LRP1B: variants seen among roughly 807,000 people sequenced by gnomAD.
LRP1B encodes the protein low-density lipoprotein receptor-related protein 1B.
LRP1B carries 217 observed loss-of-function variants against 556.6 expected under a neutral mutation model. That is an observed-to-expected ratio of 0.39 (90% CI 0.35 to 0.44). The LOEUF (loss-of-function observed/expected upper bound fraction) is 0.44. LRP1B is among the 20% of genes least tolerant of loss of function. The pLI, the probability that LRP1B is intolerant of heterozygous loss-of-function variation, is 1.00. For missense variants in LRP1B, 5,053 were observed against 5,620.8 expected, an observed-to-expected ratio of 0.90 and a Z score of 3.23; for synonymous variants, 2,047 against 1,865.8, an observed-to-expected ratio of 1.10 and a Z score of -2.50.
intron 2 of LRP1B, among the ~76,000 whole-genome samples, chr2:141,743,671 A>G (rs553448989): frequency 3.0e-4 from 45 of 151,886 alleles, no homozygotes; most frequent in African/African-American, 1.1e-3. Flanking sequence ...ATAGCAAGCA[A>G]CAACACTAAA....
intron 3 of LRP1B, among the ~76,000 whole-genome samples, chr2:141,377,855 T>A (rs561078280): frequency 6.6e-6 from 1 of 152,198 alleles, no homozygotes; most frequent in South Asian, 2.1e-4. Flanking sequence ...TTCATAGGAG[T>A]TTTGAGGAGA....
At chr2:140,580,521 C>A (rs192839388) in intron 43 of LRP1B, among the ~76,000 whole-genome samples, 18 of 152,254 alleles carry the variant, frequency 1.2e-4, no homozygotes, top group South Asian at 4.1e-4. Flanking sequence ...CATGACAGAA[C>A]AACTGTTTTC....
At chr2:140,719,403 T>C (rs1303181370) in intron 35 of LRP1B, among the ~76,000 whole-genome samples, 1 of 81,750 alleles carries the variant, frequency 1.2e-5, no homozygotes, top group African/African-American at 4.4e-5. Context: ...ATCAGGACAA[T>C]CTTTACAATA....
intron 5 of LRP1B, among the ~76,000 whole-genome samples, chr2:141,242,407 A>T (rs940014041): frequency 5.9e-5 from 9 of 152,156 alleles, no homozygotes; most frequent in Non-Finnish European, 1.0e-4. Context: ...TTCAAGAATC[A>T]TAGCAGAGGA....
At chr2:142,086,345 T>C (rs1705920885) in intron 1 of LRP1B, among the ~76,000 whole-genome samples, 1 of 152,166 alleles carries the variant, frequency 6.6e-6, no homozygotes. Context: ...AAAAAACGGC[T>C]CACGCCTGTA....
intron 3 of LRP1B, among the ~76,000 whole-genome samples, chr2:141,344,655 T>C (rs1267455660): frequency 6.6e-6 from 1 of 152,224 alleles, no homozygotes; most frequent in Non-Finnish European, 1.5e-5. Flanking sequence ...CTATTTATTT[T>C]CTGTCTCTCC....
chr2:140,903,809 T>TA lies in LRP1B; in HGVS notation c.3521-645dup, dbSNP rs5834788. Among the ~76,000 whole-genome samples, 413 of 118,698 alleles carry TA rather than the reference T, an allele frequency of 3.5e-3. 1 individual carries two copies. Among genetic ancestry groups the TA allele is most frequent in the East Asian group, 6.9e-3 (30 of 4,372 alleles). The allele number at this position is 118,698 out of a possible 152,430, so 77.9% of individuals were successfully genotyped here. A position where few individuals can be genotyped will look rare whatever the true frequency, so the allele number is the denominator to read the frequency against. ...CATGGAAACATCATAAGCAAAACAC[T>TA]AAAAAAAAAAAAAAAAGTTGTCCTG... On this transcript the variant is annotated intron_variant, in intron 22 of 90. Coordinates refer to ENST00000389484, the MANE Select transcript of LRP1B (RefSeq NM_018557.3).
intron 18 of LRP1B, among the ~76,000 whole-genome samples, chr2:140,960,040 T>C (rs1010982786): frequency 4.5e-4 from 68 of 151,816 alleles, no homozygotes; most frequent in African/African-American, 1.6e-3. Context: ...AGTAATTTTT[T>C]TATCAATTTG....
At position 140,716,831 on chromosome 2, in the gene LRP1B, C is replaced by G. The variant is rs1381166580; in HGVS notation, c.5759-15G>C. ...GGTATCATTTTCTATGGATAAGACA[C>G]AGAAAAAAAATACATATACACACAC... On this transcript the variant is annotated splice_polypyrimidine_tract_variant and intron_variant, in intron 35 of 90. Coordinates refer to ENST00000389484, the MANE Select transcript of LRP1B (RefSeq NM_018557.3). 1 of 1,479,268 alleles carries G rather than the reference C, an allele frequency of 6.8e-7. No individual in the cohort carries two copies. The highest frequency in any genetic ancestry group is 1.5e-5 in the African/African-American group (1 of 64,776). 91.6% of individuals were successfully genotyped at this position (1,479,268 alleles called of 1,614,324 possible).
chr2:140,522,514 C>G (rs1454697450), intron 49 of LRP1B, among the ~76,000 whole-genome samples: 3 of 151,152 alleles, frequency 2.0e-5, no homozygotes, highest in Non-Finnish European at 4.4e-5. Context: ...CCTAAACGAA[C>G]CAAGGAAAGA....
chr2:141,006,857 AAAAT>A (rs1414802455), intron 14 of LRP1B, among the ~76,000 whole-genome samples: 1 of 151,968 alleles, frequency 6.6e-6, no homozygotes. Context: ...AGTTACAGTA[AAAAT>A]ACATTATTAT....
At chr2:141,578,370 C>A (rs1204390081) in intron 2 of LRP1B, among the ~76,000 whole-genome samples, 2 of 147,160 alleles carry the variant, frequency 1.4e-5, no homozygotes, top group African/African-American at 2.5e-5. Context: ...GCACTCCAGC[C>A]TGGGTGACAG....
intron 86 of LRP1B, among the ~76,000 whole-genome samples, chr2:140,259,793 C>A (rs113178420): frequency 0.011 from 1,738 of 152,016 alleles, 11 homozygotes; most frequent in Middle Eastern, 0.031. Flanking sequence ...GAACAGGCAG[C>A]ATTCCCAGGC....
intron 86 of LRP1B, among the ~76,000 whole-genome samples, chr2:140,264,616 TG>T (rs1682104621): frequency 6.6e-6 from 1 of 151,896 alleles, no homozygotes; most frequent in South Asian, 2.1e-4. Context: ...TCCAAGATAC[TG>T]GGTATCAGGT....
At chr2:141,159,752 G>A (rs1679918171) in intron 7 of LRP1B, among the ~76,000 whole-genome samples, 1 of 152,106 alleles carries the variant, frequency 6.6e-6, no homozygotes, top group African/African-American at 2.4e-5. Context: ...AAGATGTATT[G>A]TTCAACATTT....
intron 2 of LRP1B, among the ~76,000 whole-genome samples, chr2:141,775,473 T>G (rs866181161): frequency 3.3e-5 from 5 of 152,228 alleles, no homozygotes; most frequent in African/African-American, 1.2e-4. Flanking sequence ...ATCTTTGACA[T>G]GTATTCATTG....
intron 35 of LRP1B, among the ~76,000 whole-genome samples, chr2:140,763,863 C>T (rs759642414): frequency 4.6e-5 from 7 of 151,986 alleles, no homozygotes; most frequent in Non-Finnish European, 7.4e-5. Flanking sequence ...ACACACTGTT[C>T]ACATGATTAA....
At chr2:141,656,745 C>T (rs1411782724) in intron 2 of LRP1B, among the ~76,000 whole-genome samples, 3 of 151,998 alleles carry the variant, frequency 2.0e-5, no homozygotes, top group African/African-American at 7.2e-5. Context: ...TTGAACATTT[C>T]ATATATATGT....
intron 7 of LRP1B, among the ~76,000 whole-genome samples, chr2:141,149,638 A>G (rs910372490): frequency 5.3e-5 from 8 of 152,112 alleles, no homozygotes; most frequent in Non-Finnish European, 1.0e-4. Context: ...GATGTTCCCC[A>G]AACTACCAAG....
Sources: allele counts gnomAD v4.1 joint callset (sites outside exome capture counted in the v4.1 genomes callset), GRCh38; gene constraint gnomAD v4.1.1; transcripts MANE v1.5; gene names NCBI Gene and HGNC (gene_info 2026-07-23, HGNC 2026-07-21).